SLAIN2: variants seen among roughly 807,000 people sequenced by gnomAD.
The protein encoded by SLAIN2 is SLAIN family member 2, also known as SLAIN motif-containing protein 2.
SLAIN2 carries 31 observed loss-of-function variants against 56.6 expected under a neutral mutation model. That is an observed-to-expected ratio of 0.55 (90% confidence interval 0.41 to 0.74). The LOEUF (loss-of-function observed/expected upper bound fraction) is 0.74, where lower values mean the gene tolerates loss of function less well. SLAIN2 is among the 30% of genes least tolerant of loss of function. The probability of loss-of-function intolerance (pLI) is 0.00; values close to 1 mark genes in which losing one functional copy is unlikely to be tolerated. For missense variants in SLAIN2, 777 were observed against 754.2 expected, an observed-to-expected ratio of 1.03 and a Z score of -0.35; for synonymous variants, 317 against 284.9, an observed-to-expected ratio of 1.11 and a Z score of -1.13.
intron 6 of SLAIN2, among the ~76,000 whole-genome samples, chr4:48,411,079 C>T (rs191506720): frequency 1.1e-3 from 173 of 151,928 alleles, no homozygotes; most frequent in Non-Finnish European, 2.0e-3. Flanking sequence ...GTTTTTTCGT[C>T]GTTGTTGTTT....
intron 6 of SLAIN2, among the ~76,000 whole-genome samples, chr4:48,402,289 G>A (rs1006369151): frequency 1.1e-4 from 16 of 151,734 alleles, no homozygotes; most frequent in African/African-American, 3.6e-4. Flanking sequence ...TCTTACTAGG[G>A]TTCTCTGGAT....
chr4:48,347,701 G>A (rs905966620), intron 1 of SLAIN2, among the ~76,000 whole-genome samples: 20 of 152,058 alleles, frequency 1.3e-4, no homozygotes, highest in Admixed American at 5.9e-4. Flanking sequence ...TGCAATCATC[G>A]CCACCATCCA....
At position 48,423,179 on chromosome 4, in the gene SLAIN2, G is replaced by C. The variant is rs569008810; in HGVS notation, c.*1102G>C. On this transcript the variant is annotated 3_prime_UTR_variant, in exon 8 of 8. Coordinates refer to ENST00000264313, the MANE Select transcript of SLAIN2 (RefSeq NM_020846.2). ...TAGCCTGCTAAATCCTACTTAAGTT[G>C]ATCCACTTTAAACTGAGTAACTGTA... 4 of 152,196 alleles carry C rather than the reference G, an allele frequency of 2.6e-5. No homozygotes were observed. The highest frequency in any genetic ancestry group is 9.6e-5 in the African/African-American group (4 of 41,536). The allele number at this position is 152,196 out of a possible 1,614,324, so 9.4% of individuals were successfully genotyped here.
chr4:48,385,151 T>C (rs541343749), intron 6 of SLAIN2, among the ~76,000 whole-genome samples: 5 of 152,316 alleles, frequency 3.3e-5, no homozygotes, highest in African/African-American at 1.2e-4. Flanking sequence ...GAAGTAGTGA[T>C]GTTGGAGTAA....
chr4:48,356,476 A>G (rs1715159556), intron 1 of SLAIN2, among the ~76,000 whole-genome samples: 4 of 152,208 alleles, frequency 2.6e-5, no homozygotes, highest in Admixed American at 2.6e-4. Flanking sequence ...AGCTGAAAAG[A>G]TCTGTACTAG....
chr4:48,378,089 A>G, intron 3 of SLAIN2, 29 bp downstream of exon 3: 1 of 1,603,770 alleles, frequency 6.2e-7, no homozygotes, highest in Non-Finnish European at 8.5e-7. Context: ...GGAGCTATTA[A>G]GGAATGTTTT....
In SLAIN2 at chr4:48,341,663, G is replaced by T; in HGVS notation, c.-77G>T. 1 of 1,482,802 alleles carries T rather than the reference G, an allele frequency of 6.7e-7. No individual in the cohort carries two copies. The highest frequency in any genetic ancestry group is 9.0e-7 in the Non-Finnish European group (1 of 1,116,552). The allele number at this position is 1,482,802 out of a possible 1,614,324, so 91.9% of individuals were successfully genotyped here. ...CTCGGCTAGAGTGAGCGGCGGCGAC[G>T]CCTCTTTCCTCCGTCTCTTTCCCTG... On this transcript the variant is annotated 5_prime_UTR_variant, in exon 1 of 8. Transcript: ENST00000264313.
At chr4:48,355,395 A>G (rs971553289) in intron 1 of SLAIN2, among the ~76,000 whole-genome samples, 6 of 152,226 alleles carry the variant, frequency 3.9e-5, no homozygotes, top group Non-Finnish European at 8.8e-5. Context: ...AATTGGGTAT[A>G]TACGCAGAAT....
intron 1 of SLAIN2, among the ~76,000 whole-genome samples, chr4:48,347,049 A>T (rs193256200): frequency 1.3e-5 from 2 of 151,888 alleles, no homozygotes; most frequent in East Asian, 3.9e-4. Flanking sequence ...TGGAACAAAT[A>T]CTTAGAGTAC....
rs114520351 is a variant in SLAIN2 at position 48,372,388 on chromosome 4, A to G, written c.538+2391A>G. On this transcript the variant is annotated intron_variant, in intron 2 of 7. Transcript: ENST00000264313. ...GTAAGATCTCTGTTGCAGTTACTCA[A>G]CTTTGCTCTTGTAGCATGCAAGCAG... Among the ~76,000 whole-genome samples the G allele has an allele frequency of 2.1e-3, 319 of 152,336 alleles. 3 individuals carry two copies. The highest frequency in any genetic ancestry group is 5.9e-3 in the African/African-American group (247 of 41,572).
chr4:48,408,270 G>A (rs1178992364), intron 6 of SLAIN2, among the ~76,000 whole-genome samples: 2 of 151,932 alleles, frequency 1.3e-5, no homozygotes, highest in African/African-American at 4.8e-5. Flanking sequence ...GGTTGAGGCT[G>A]CAGTGAGGTG....
intron 6 of SLAIN2, among the ~76,000 whole-genome samples, chr4:48,409,058 G>C (rs879832248): frequency 7.9e-5 from 12 of 152,176 alleles, no homozygotes; most frequent in Middle Eastern, 3.4e-3. Context: ...AAAATTTTTT[G>C]TGTGTACATA....
intron 6 of SLAIN2, among the ~76,000 whole-genome samples, chr4:48,415,315 A>G (rs1337191933): frequency 1.0e-4 from 6 of 59,900 alleles, no homozygotes; most frequent in African/African-American, 2.2e-4. Context: ...GCCAGTGATG[A>G]TGAGCATTTC....
At chr4:48,387,712 A>G (rs1716135802) in intron 6 of SLAIN2, among the ~76,000 whole-genome samples, 1 of 152,078 alleles carries the variant, frequency 6.6e-6, no homozygotes, top group African/African-American at 2.4e-5. Flanking sequence ...GTTTACTTTA[A>G]AATGTTTAAA....
intron 6 of SLAIN2, among the ~76,000 whole-genome samples, chr4:48,387,025 G>GT (rs1269902650): frequency 6.6e-6 from 1 of 152,142 alleles, no homozygotes; most frequent in African/African-American, 2.4e-5. Flanking sequence ...AGTTTGAACT[G>GT]TTACATTCTG....
chr4:48,350,987 G>T (rs1714995946), intron 1 of SLAIN2, among the ~76,000 whole-genome samples: 1 of 152,166 alleles, frequency 6.6e-6, no homozygotes, highest in Non-Finnish European at 1.5e-5. Flanking sequence ...TAAAAATCAG[G>T]TTTATAATTC....
In SLAIN2 at chr4:48,420,327, T is replaced by G; in HGVS notation, c.1563T>G (p.Ala521=). 6.2e-7 allele frequency: 1 copy of G among 1,613,960 alleles called. No individual in the cohort carries two copies. The highest frequency in any genetic ancestry group is 2.2e-5 in the East Asian group (1 of 44,870). Residue 521 remains alanine, a synonymous_variant, in exon 7 of 8, where the codon GCT becomes GCG. Transcript: ENST00000264313. ...ATCCTCCCAGCAATATCAACAGCGC[T>G]ACTCTAACCAGACCTGCAGGGACAA... ...SANPPSNINS[A]TLTRPAGTTA... is the part of the protein sequence containing the mutation.
At chr4:48,413,271 C>T (rs759868083) in intron 6 of SLAIN2, among the ~76,000 whole-genome samples, 6 of 151,788 alleles carry the variant, frequency 4.0e-5, no homozygotes, top group Non-Finnish European at 7.4e-5. Context: ...AGATGTTTCT[C>T]TTTTGGTTCC....
intron 6 of SLAIN2, among the ~76,000 whole-genome samples, chr4:48,411,053 A>G (rs547608120): frequency 2.0e-5 from 3 of 152,068 alleles, no homozygotes; most frequent in South Asian, 2.1e-4. Context: ...ACTTGAAGCA[A>G]TTGTGTTTCG....
Sources: gnomAD v4.1 joint callset for allele counts (sites outside exome capture counted in the v4.1 genomes callset) on GRCh38, gnomAD v4.1.1 for gene constraint, MANE v1.5 for transcripts, NCBI Gene and HGNC (gene_info 2026-07-23, HGNC 2026-07-21) for gene names.